The following UGT1A10 variants were observed in gnomAD, a reference collection of about 807,000 sequenced individuals.
UGT1A10 encodes UDP glucuronosyltransferase family 1 member A10, also known as UDP-glucuronosyltransferase 1A10.
In UGT1A10, 49 loss-of-function variants were observed where a neutral mutation model predicts 45.8. The observed-to-expected ratio is 1.07, with a 90% CI of 0.85 to 1.36. UGT1A10 has a LOEUF of 1.36. Ranked by LOEUF, UGT1A10 falls within the 40% of genes most tolerant of loss-of-function variation. The probability of loss-of-function intolerance (pLI) is 0.00; values close to 1 mark genes in which losing one functional copy is unlikely to be tolerated. For missense variants in UGT1A10, 745 were observed against 668.6 expected (o/e 1.11, Z -1.26); for synonymous variants, 284 against 249.7 (o/e 1.14, Z -1.29).
intron 1 of UGT1A10, among the ~76,000 whole-genome samples, chr2:233,725,106 A>C (rs2077366331): frequency 7.0e-6 from 1 of 142,226 alleles, no homozygotes; most frequent in African/African-American, 2.7e-5. Flanking sequence ...AGAATCAGGC[A>C]GGGAGGTTGC....
At chr2:233,671,738 C>T (rs1428756251) in intron 1 of UGT1A10, 5 of 1,225,370 alleles carry the variant, frequency 4.1e-6, no homozygotes, top group Non-Finnish European at 4.3e-6. Context: ...GGAAAACATA[C>T]AAATAGATAT....
chr2:233,695,778 T>A (rs2075306638), intron 1 of UGT1A10, among the ~76,000 whole-genome samples: 1 of 152,202 alleles, frequency 6.6e-6, no homozygotes, highest in African/African-American at 2.4e-5. Context: ...CTGAATAATT[T>A]TCCATTCTGT....
intron 1 of UGT1A10, among the ~76,000 whole-genome samples, chr2:233,758,732 C>A (rs1469644124): frequency 2.0e-5 from 3 of 152,176 alleles, no homozygotes; most frequent in Non-Finnish European, 4.4e-5. Flanking sequence ...CTAAGCACAT[C>A]CCCAAGTATG....
intron 1 of UGT1A10, among the ~76,000 whole-genome samples, chr2:233,750,203 C>A (rs1694389786): frequency 6.6e-6 from 1 of 151,828 alleles, no homozygotes; most frequent in African/African-American, 2.4e-5. Context: ...GAAGTCCAGG[C>A]TGAGTCTCAG....
intron 1 of UGT1A10, among the ~76,000 whole-genome samples, chr2:233,725,678 A>C (rs28899189): frequency 0.068 from 10,401 of 152,238 alleles, 505 homozygotes; most frequent in East Asian, 0.2. Flanking sequence ...GTCACATTTC[A>C]AGTGCTCAAT....
intron 1 of UGT1A10, among the ~76,000 whole-genome samples, chr2:233,657,881 A>G (rs7570783): frequency 7.9e-5 from 12 of 152,070 alleles, no homozygotes; most frequent in African/African-American, 2.4e-4. Context: ...AGTTATTTAT[A>G]TATTCTGGAT....
Position 233,644,764 on chromosome 2 carries a change from T to G in UGT1A10, c.855+7387T>G, listed in dbSNP as rs76633216. Among the ~76,000 whole-genome samples the G allele has an allele frequency of 1.5e-3, 223 of 152,170 alleles. 1 individual carries two copies. Among genetic ancestry groups the G allele is most frequent in the Middle Eastern group, 3.4e-3 (1 of 294 alleles). On this transcript the variant is annotated intron_variant, in intron 1 of 4. Coordinates refer to ENST00000344644, the MANE Select transcript of UGT1A10 (RefSeq NM_019075.4). ...TCAGGGGGTTGGGTGACATAGGAGA[T>G]GCAGAACTTTTTTTTTTCTATTTCT...
At chr2:233,760,167 A>T (rs982651614) in intron 1 of UGT1A10, 4 of 1,523,868 alleles carry the variant, frequency 2.6e-6, no homozygotes, top group Non-Finnish European at 2.6e-6. Flanking sequence ...ACCTTTGTGG[A>T]CTGACAGCTT....
intron 1 of UGT1A10, among the ~76,000 whole-genome samples, chr2:233,695,130 CT>C (rs71398796): frequency 0.3 from 41,647 of 138,420 alleles, 5,638 homozygotes; most frequent in African/African-American, 0.36. Flanking sequence ...CTTTTCTTTT[CT>C]TTTTTTTTTT....
chr2:233,747,618 G>T (rs1433302665), intron 1 of UGT1A10: 1 of 1,574,996 alleles, frequency 6.3e-7, no homozygotes, highest in African/African-American at 1.4e-5. Context: ...GCATAATGAG[G>T]CCCTGATCAG....
intron 1 of UGT1A10, among the ~76,000 whole-genome samples, chr2:233,739,272 C>T (rs1444866031): frequency 6.6e-6 from 1 of 152,138 alleles, no homozygotes; most frequent in African/African-American, 2.4e-5. Flanking sequence ...AGGTTGGAGC[C>T]CCCACACAGA....
At chr2:233,731,132 C>G (rs1241024479) in intron 1 of UGT1A10, among the ~76,000 whole-genome samples, 5 of 152,006 alleles carry the variant, frequency 3.3e-5, no homozygotes, top group African/African-American at 7.3e-5. Context: ...GCAAAAGACT[C>G]TAAGCTTCAT....
chr2:233,701,917 A>C (rs1244253479), intron 1 of UGT1A10, among the ~76,000 whole-genome samples: 3 of 152,188 alleles, frequency 2.0e-5, no homozygotes, highest in South Asian at 2.1e-4. Flanking sequence ...TGACACCCTA[A>C]CATCACAATT....
intron 1 of UGT1A10, among the ~76,000 whole-genome samples, chr2:233,670,577 A>G (rs991947307): frequency 1.3e-5 from 2 of 152,174 alleles, no homozygotes; most frequent in African/African-American, 2.4e-5. Flanking sequence ...CTTCTTTAGT[A>G]TCTGGTACTG....
chr2:233,708,476 G>A (rs2092189867), intron 1 of UGT1A10: 1 of 152,210 alleles, frequency 6.6e-6, no homozygotes, highest in African/African-American at 2.4e-5. Flanking sequence ...AACTGGCTGA[G>A]CGTGGTGGCT....
intron 1 of UGT1A10, among the ~76,000 whole-genome samples, chr2:233,721,134 G>T (rs929528058): frequency 6.6e-6 from 1 of 152,014 alleles, no homozygotes; most frequent in East Asian, 1.9e-4. Context: ...ATTAGTGTAG[G>T]TATTATTGCA....
chr2:233,756,209 T>A (rs1696149779), intron 1 of UGT1A10: 1 of 152,246 alleles, frequency 6.6e-6, no homozygotes. Flanking sequence ...TCCCTGGTAT[T>A]CTGAAGGGAT....
chr2:233,747,202 T>A (rs1693588071), intron 1 of UGT1A10: 1 of 1,604,794 alleles, frequency 6.2e-7, no homozygotes, highest in South Asian at 1.1e-5. Flanking sequence ...GCTGTCCGTG[T>A]CTTCTGCTGA....
At chr2:233,658,729 T>C (rs1453445534) in intron 1 of UGT1A10, among the ~76,000 whole-genome samples, 4 of 152,230 alleles carry the variant, frequency 2.6e-5, no homozygotes, top group African/African-American at 9.6e-5. Flanking sequence ...TTGAAAAGAG[T>C]AGTCTTTTCT....
Sources: gnomAD v4.1 joint callset for allele counts (sites outside exome capture counted in the v4.1 genomes callset) on GRCh38, gnomAD v4.1.1 for gene constraint, MANE v1.5 for transcripts, NCBI Gene and HGNC (gene_info 2026-07-23, HGNC 2026-07-21) for gene names.